DLGAP1: variants seen among roughly 807,000 people sequenced by gnomAD.
DLGAP1 encodes disks large-associated protein 1.
Under a neutral mutation model 90.8 loss-of-function variants are expected in DLGAP1, and 11 were observed. That is an observed-to-expected ratio of 0.12 (90% CI 0.08 to 0.20). The LOEUF (loss-of-function observed/expected upper bound fraction) is 0.20, where lower values mean the gene tolerates loss of function less well. DLGAP1 is among the 10% of genes least tolerant of loss of function. The pLI is 1.00. For synonymous variants in DLGAP1, 558 were observed against 540.7 expected, an observed-to-expected ratio of 1.03 and a Z score of -0.44; for missense variants, 1,050 against 1,333.8, an observed-to-expected ratio of 0.79 and a Z score of 3.31.
intron 2 of DLGAP1, among the ~76,000 whole-genome samples, chr18:4,098,747 T>A (rs1315459996): frequency 6.6e-6 from 1 of 152,174 alleles, no homozygotes; most frequent in Non-Finnish European, 1.5e-5. Flanking sequence ...TGTAGAAAGG[T>A]AAAATGTTCA....
At chr18:3,850,339 C>T (rs927859542) in intron 4 of DLGAP1, among the ~76,000 whole-genome samples, 1 of 151,958 alleles carries the variant, frequency 6.6e-6, no homozygotes, top group African/African-American at 2.4e-5. Context: ...TTGCAGTGAG[C>T]TGAGATTGTG....
intron 7 of DLGAP1, among the ~76,000 whole-genome samples, chr18:3,652,330 A>C (rs1474206867): frequency 6.6e-6 from 1 of 152,016 alleles, no homozygotes; most frequent in Non-Finnish European, 1.5e-5. Context: ...AATTTCCTTA[A>C]AAAGTTTTTA....
intron 5 of DLGAP1, among the ~76,000 whole-genome samples, chr18:3,806,611 C>T (rs1228477872): frequency 5.9e-5 from 9 of 152,190 alleles, no homozygotes; most frequent in Admixed American, 4.6e-4. Context: ...CTCTTTACCT[C>T]GTTGTCTGCA....
At chr18:3,965,182 G>T (rs955061302) in intron 3 of DLGAP1, among the ~76,000 whole-genome samples, 7 of 152,108 alleles carry the variant, frequency 4.6e-5, no homozygotes, top group Admixed American at 3.3e-4. Flanking sequence ...ACAAAACACT[G>T]AACAACACCA....
At chr18:4,117,196 A>G (rs905996050) in intron 2 of DLGAP1, among the ~76,000 whole-genome samples, 3 of 152,170 alleles carry the variant, frequency 2.0e-5, no homozygotes, top group African/African-American at 4.8e-5. Context: ...AGAAACCAAC[A>G]CTGCTTACAT....
chr18:4,407,151 T>G (rs559365876), intron 1 of DLGAP1, among the ~76,000 whole-genome samples: 4 of 152,080 alleles, frequency 2.6e-5, no homozygotes, highest in African/African-American at 4.8e-5. Context: ...ACTTTAGCAA[T>G]GCAAATTTTA....
intron 1 of DLGAP1, among the ~76,000 whole-genome samples, chr18:4,264,086 A>G (rs1315637743): frequency 2.0e-5 from 3 of 152,208 alleles, no homozygotes; most frequent in Non-Finnish European, 2.9e-5. Flanking sequence ...TTGGTGAGGC[A>G]AAATCAATTA....
At chr18:3,869,858 A>G (rs1167552452) in intron 4 of DLGAP1, among the ~76,000 whole-genome samples, 4 of 152,248 alleles carry the variant, frequency 2.6e-5, no homozygotes, top group African/African-American at 9.6e-5. Context: ...ATATTTTCAC[A>G]CTGTATTTTT....
intron 1 of DLGAP1, among the ~76,000 whole-genome samples, chr18:4,437,264 C>T (rs1314085116): frequency 6.6e-6 from 1 of 152,148 alleles, no homozygotes; most frequent in Non-Finnish European, 1.5e-5. Flanking sequence ...CCAAGTGGAA[C>T]ACCTGAATGC....
In DLGAP1 at chr18:3,539,849, T is replaced by C. The variant is rs185200805; in HGVS notation, c.2058-5234A>G. On this transcript the variant is annotated intron_variant, in intron 9 of 12. Transcript: ENST00000315677. Reference sequence around the variant, plus strand: ...GGAGAGTAGCTTAGTCTTTCCATCATAGAATCCCCTGGCCTCTGCTTAGCG... The same window carrying C: ...GGAGAGTAGCTTAGTCTTTCCATCACAGAATCCCCTGGCCTCTGCTTAGCG... Among the ~76,000 whole-genome samples, 434 of 152,290 alleles carry C rather than the reference T, an allele frequency of 2.8e-3. 5 individuals are homozygous for C. Among genetic ancestry groups the C allele is most frequent in the African/African-American group, 1.0e-2 (415 of 41,528 alleles).
chr18:3,712,769 GT>G, intron 7 of DLGAP1, among the ~76,000 whole-genome samples: 1 of 152,310 alleles, frequency 6.6e-6, no homozygotes, highest in African/African-American at 2.4e-5. Flanking sequence ...GCAATCACAA[GT>G]TTTAGTTAAA....
intron 5 of DLGAP1, among the ~76,000 whole-genome samples, chr18:3,781,375 C>T (rs1402235381): frequency 4.2e-5 from 6 of 143,460 alleles, no homozygotes; most frequent in African/African-American, 2.6e-5. Flanking sequence ...TTTTGAGATA[C>T]AGTCTTGCTC....
At chr18:3,825,645 G>C (rs1307253195) in intron 4 of DLGAP1, among the ~76,000 whole-genome samples, 1 of 152,138 alleles carries the variant, frequency 6.6e-6, no homozygotes, top group Non-Finnish European at 1.5e-5. Context: ...GATACATAGA[G>C]AGGACTGTAT....
At chr18:4,011,033 G>A (rs866675509) in intron 2 of DLGAP1, among the ~76,000 whole-genome samples, 11 of 151,814 alleles carry the variant, frequency 7.2e-5, no homozygotes, top group Admixed American at 4.6e-4. Flanking sequence ...AAAATTAGCC[G>A]GTCGTGGTAA....
chr18:3,701,937 GT>G (rs1038811579), intron 7 of DLGAP1, among the ~76,000 whole-genome samples: 2 of 152,146 alleles, frequency 1.3e-5, no homozygotes, highest in Non-Finnish European at 2.9e-5. Context: ...TGAAGTGACT[GT>G]TTAAGATTTC....
At chr18:3,619,327 G>A (rs1208415889) in intron 7 of DLGAP1, among the ~76,000 whole-genome samples, 1 of 152,178 alleles carries the variant, frequency 6.6e-6, no homozygotes, top group Non-Finnish European at 1.5e-5. Context: ...GCCTTTTAGC[G>A]CAGTTTCTCT....
intron 4 of DLGAP1, among the ~76,000 whole-genome samples, chr18:3,830,262 C>T (rs971168883): frequency 2.6e-5 from 4 of 152,154 alleles, no homozygotes; most frequent in Non-Finnish European, 5.9e-5. Context: ...AACATCCCAC[C>T]ATGGTAAATA....
intron 7 of DLGAP1, among the ~76,000 whole-genome samples, chr18:3,668,714 T>C (rs1024592326): frequency 2.6e-5 from 4 of 152,156 alleles, no homozygotes; most frequent in Non-Finnish European, 4.4e-5. Flanking sequence ...AATAGAATGC[T>C]TGGCCCAGTG....
At chr18:4,018,015 A>C (rs2074550871) in intron 2 of DLGAP1, among the ~76,000 whole-genome samples, 1 of 152,194 alleles carries the variant, frequency 6.6e-6, no homozygotes, top group South Asian at 2.1e-4. Flanking sequence ...AAAATCACTC[A>C]CATGCCTTAA....
Sources: gnomAD v4.1 joint callset for allele counts (sites outside exome capture counted in the v4.1 genomes callset) on GRCh38, gnomAD v4.1.1 for gene constraint, MANE v1.5 for transcripts, NCBI Gene and HGNC (gene_info 2026-07-23, HGNC 2026-07-21) for gene names.